Variants in PCSK2 observed in about 807,000 individuals in gnomAD.
PCSK2 encodes proprotein convertase subtilisin/kexin type 2, also known as neuroendocrine convertase 2.
PCSK2 carries 14 observed loss-of-function variants against 69.7 expected under a neutral mutation model. The observed-to-expected ratio is 0.20, with a 90% CI of 0.13 to 0.31. The LOEUF is 0.31. Ranked by LOEUF, PCSK2 falls within the 10% of genes least tolerant of loss-of-function variation. The pLI is 1.00. For missense variants in PCSK2, 544 were observed against 842.5 expected, an observed-to-expected ratio of 0.65 and a Z score of 4.39; for synonymous variants, 307 against 320.7, an observed-to-expected ratio of 0.96 and a Z score of 0.46.
chr20:17,235,359 G>A (rs1986300198), intron 1 of PCSK2, among the ~76,000 whole-genome samples: 1 of 151,984 alleles, frequency 6.6e-6, no homozygotes, highest in African/African-American at 2.4e-5. Flanking sequence ...AGGATCCTGG[G>A]GTTGCTCTTT....
At chr20:17,412,129 A>G (rs2031889114) in intron 6 of PCSK2, among the ~76,000 whole-genome samples, 1 of 152,222 alleles carries the variant, frequency 6.6e-6, no homozygotes, top group Admixed American at 6.5e-5. Context: ...TCTCCTCCAA[A>G]GGACCGCAGC....
chr20:17,287,727 T>C (rs1988566695), intron 2 of PCSK2, among the ~76,000 whole-genome samples: 1 of 152,194 alleles, frequency 6.6e-6, no homozygotes, highest in Non-Finnish European at 1.5e-5. Flanking sequence ...GCACCAATCC[T>C]ACAACTCCTT....
At chr20:17,475,482 C>T (rs574888298) in intron 11 of PCSK2, among the ~76,000 whole-genome samples, 18 of 152,288 alleles carry the variant, frequency 1.2e-4, no homozygotes, top group African/African-American at 3.8e-4. Context: ...ACTCTTTTCA[C>T]GTAGCGAAGG....
At position 17,303,447 on chromosome 20, in the gene PCSK2, A is replaced by C. The variant is rs1450210980; in HGVS notation, c.282+43103A>C. Among the ~76,000 whole-genome samples the C allele has an allele frequency of 4.5e-5, 3 of 67,008 alleles. No individual in the cohort carries two copies. In the East Asian group the frequency reaches 7.4e-4, roughly 16 times the overall value. 44.0% of individuals were successfully genotyped at this position (67,008 alleles called of 152,430 possible). ...ATATTTTTAATATATAATATAATAT[A>C]TATTATATTAAATATAATATATATT... On this transcript the variant is annotated intron_variant, in intron 2 of 11. Transcript: ENST00000262545.
chr20:17,332,984 G>A (rs1275196128), intron 2 of PCSK2, among the ~76,000 whole-genome samples: 2 of 152,048 alleles, frequency 1.3e-5, no homozygotes, highest in South Asian at 4.2e-4. Context: ...TTTTTTGATG[G>A]GGGCATAAAG....
chr20:17,456,060 C>T (rs139785101), intron 9 of PCSK2, among the ~76,000 whole-genome samples: 237 of 152,038 alleles, frequency 1.6e-3, no homozygotes, highest in African/African-American at 3.2e-3. Context: ...GTCAACATGG[C>T]GAAACCCTGT....
At chr20:17,244,533 G>T (rs762965434) in intron 1 of PCSK2, among the ~76,000 whole-genome samples, 9 of 152,158 alleles carry the variant, frequency 5.9e-5, no homozygotes, top group Middle Eastern at 3.2e-3. Context: ...TCCCCATAAT[G>T]TACCCTGTAG....
At chr20:17,307,832 AAAAAAC>A (rs1989374965) in intron 2 of PCSK2, among the ~76,000 whole-genome samples, 1 of 152,206 alleles carries the variant, frequency 6.6e-6, no homozygotes, top group Non-Finnish European at 1.5e-5. Flanking sequence ...CTTTGCTATA[AAAAAAC>A]ACCTCAGACT....
At chr20:17,477,010 G>T (rs1028618851) in intron 11 of PCSK2, among the ~76,000 whole-genome samples, 1 of 152,120 alleles carries the variant, frequency 6.6e-6, no homozygotes, top group African/African-American at 2.4e-5. Flanking sequence ...GGTGGGAGAG[G>T]GGAATACAGC....
chr20:17,246,987 A>T (rs533819241), intron 1 of PCSK2, among the ~76,000 whole-genome samples: 1 of 152,300 alleles, frequency 6.6e-6, no homozygotes, highest in East Asian at 1.9e-4. Flanking sequence ...TAGAATTATC[A>T]CTGAGATCAT....
In PCSK2 at chr20:17,453,631, C is replaced by T. The variant is rs2032866409; in HGVS notation, c.886-111C>T. 1.5e-5 allele frequency: 17 copies of T among 1,114,872 alleles called. No individual in the cohort carries two copies. The highest frequency in any genetic ancestry group is 1.8e-5 in the Non-Finnish European group (14 of 780,406). 69.1% of individuals were successfully genotyped at this position (1,114,872 alleles called of 1,614,324 possible). On this transcript the variant is annotated intron_variant, in intron 8 of 11. Coordinates refer to ENST00000262545, the MANE Select transcript of PCSK2 (RefSeq NM_002594.5). This position sits in a 1 kb window ranked among gnomAD's most constrained non-coding sequence, Gnocchi z 4.0. ...TCCAACCCAGTTTAAAAAGTGCACC[C>T]AGTCTTTAGGTTCAACTGCTGAAGA...
intron 2 of PCSK2, among the ~76,000 whole-genome samples, chr20:17,346,499 A>G (rs181836311): frequency 4.6e-5 from 7 of 152,308 alleles, no homozygotes; most frequent in Admixed American, 1.3e-4. Flanking sequence ...AAACAGAGCC[A>G]TTCACCTGGC....
intron 2 of PCSK2, among the ~76,000 whole-genome samples, chr20:17,305,965 A>C (rs763729901): frequency 3.3e-5 from 5 of 152,230 alleles, no homozygotes; most frequent in Non-Finnish European, 5.9e-5. Flanking sequence ...TGAGTGCTAC[A>C]GTCTTTTCTT....
chr20:17,238,139 G>A (rs1986414560), intron 1 of PCSK2, among the ~76,000 whole-genome samples: 1 of 152,198 alleles, frequency 6.6e-6, no homozygotes, highest in African/African-American at 2.4e-5. Context: ...GCCCAATCAT[G>A]AAGGAAAGCA....
intron 2 of PCSK2, among the ~76,000 whole-genome samples, chr20:17,348,543 A>T (rs2029882058): frequency 6.6e-6 from 1 of 152,204 alleles, no homozygotes; most frequent in South Asian, 2.1e-4. Context: ...ACCTAGCTAG[A>T]CTGCTGGAGT....
chr20:17,406,628 C>T (rs2031757845), intron 5 of PCSK2, among the ~76,000 whole-genome samples: 1 of 152,184 alleles, frequency 6.6e-6, no homozygotes, highest in African/African-American at 2.4e-5. Flanking sequence ...AAACTATTTT[C>T]CCAGAGTCAG....
intron 8 of PCSK2, among the ~76,000 whole-genome samples, chr20:17,450,688 A>G (rs1330464847): frequency 1.3e-5 from 2 of 152,152 alleles, no homozygotes; most frequent in Non-Finnish European, 2.9e-5. Flanking sequence ...TTGTTGCTGT[A>G]TCTCATAGAG....
intron 5 of PCSK2, among the ~76,000 whole-genome samples, chr20:17,399,047 TG>T (rs2031578670): frequency 1.3e-5 from 2 of 151,964 alleles, no homozygotes; most frequent in Admixed American, 1.3e-4. Context: ...ATTTGTTCAA[TG>T]AAAAAAAATA....
At position 17,240,502 on chromosome 20, in the gene PCSK2, C is replaced by A. The variant is rs73253490; in HGVS notation, c.177+13020C>A. ...CTGCCAGAGAACACCCTCAGGAGAGCGGTGCCTGAAAGACATTGGCATCTG... is the reference window on the plus strand; with the variant it reads ...CTGCCAGAGAACACCCTCAGGAGAGAGGTGCCTGAAAGACATTGGCATCTG... On this transcript the variant is annotated intron_variant, in intron 1 of 11. Transcript: ENST00000262545. 3.0e-3 allele frequency among the ~76,000 whole-genome samples: 462 copies of A among 152,212 alleles called. 4 individuals are homozygous for A. Among genetic ancestry groups the A allele is most frequent in the African/African-American group, 0.01 (430 of 41,548 alleles).
Sources: gnomAD v4.1 joint callset for allele counts (sites outside exome capture counted in the v4.1 genomes callset) on GRCh38, gnomAD v4.1.1 for gene constraint, Gnocchi (gnomAD v3.1) non-coding constraint, MANE v1.5 for transcripts, NCBI Gene and HGNC (gene_info 2026-07-23, HGNC 2026-07-21) for gene names.